SSH2: variants seen among roughly 807,000 people sequenced by gnomAD.
SSH2 encodes slingshot protein phosphatase 2.
Under a neutral mutation model 135.2 loss-of-function variants are expected in SSH2, and 37 were observed. That is an observed-to-expected ratio of 0.27 (90% CI 0.21 to 0.36). The LOEUF (loss-of-function observed/expected upper bound fraction) is 0.36, where lower values mean the gene tolerates loss of function less well. SSH2 is among the 10% of genes least tolerant of loss of function. The pLI, the probability that SSH2 is intolerant of heterozygous loss-of-function variation, is 1.00. For missense variants in SSH2, 1,408 were observed against 1,765.3 expected, an observed-to-expected ratio of 0.80 and a Z score of 3.63; for synonymous variants, 628 against 646.2, an observed-to-expected ratio of 0.97 and a Z score of 0.43.
At chr17:29,905,682 G>A (rs940618422) in intron 1 of SSH2, among the ~76,000 whole-genome samples, 13 of 152,292 alleles carry the variant, frequency 8.5e-5, no homozygotes, top group African/African-American at 2.4e-4. Flanking sequence ...GGAAGGGGGC[G>A]GGTCCCTGGT....
chr17:29,649,289 C>G (rs921476786), intron 13 of SSH2, among the ~76,000 whole-genome samples: 2 of 152,094 alleles, frequency 1.3e-5, no homozygotes, highest in Non-Finnish European at 2.9e-5. Flanking sequence ...TCTCCCTAAT[C>G]CTAAGTAAAA....
In SSH2 at chr17:29,705,667, A is replaced by G. The variant is rs190004408; in HGVS notation, c.189-2605T>C. 5.3e-3 allele frequency among the ~76,000 whole-genome samples: 806 copies of G among 152,320 alleles called. 10 individuals are homozygous for G. The highest frequency in any genetic ancestry group is 8.4e-3 in the Non-Finnish European group (569 of 68,024). ...TCTTCAAGGACCTGTAACATCCTAC[A>G]GGACTACTCCTCTGATCTTGTATCA... On this transcript the variant is annotated intron_variant, in intron 3 of 15. Transcript: ENST00000540801.
chr17:29,778,122 A>G (rs1188959364), intron 3 of SSH2, among the ~76,000 whole-genome samples: 1 of 152,214 alleles, frequency 6.6e-6, no homozygotes, highest in Non-Finnish European at 1.5e-5. Context: ...TATGGGATAC[A>G]TAAATGTTTT....
At chr17:29,739,732 A>G (rs187231468) in intron 3 of SSH2, among the ~76,000 whole-genome samples, 39 of 152,276 alleles carry the variant, frequency 2.6e-4, no homozygotes, top group Admixed American at 1.3e-3. Context: ...AATCTAATCT[A>G]ATTGACTTCC....
At chr17:29,743,572 G>C (rs1471838526) in intron 3 of SSH2, among the ~76,000 whole-genome samples, 1 of 152,060 alleles carries the variant, frequency 6.6e-6, no homozygotes. Flanking sequence ...ACGATAACTG[G>C]GACTGACTAT....
At chr17:29,862,372 C>T (rs2065779783) in intron 1 of SSH2, among the ~76,000 whole-genome samples, 1 of 152,188 alleles carries the variant, frequency 6.6e-6, no homozygotes, top group Non-Finnish European at 1.5e-5. Context: ...AATAAATGTT[C>T]AATGAATCAG....
At chr17:29,776,572 G>C (rs1427996390) in intron 3 of SSH2, 2 of 152,234 alleles carry the variant, frequency 1.3e-5, no homozygotes, top group Non-Finnish European at 2.9e-5. Flanking sequence ...GCTTTGTAAA[G>C]TTGACTTCAG....
At chr17:29,814,155 G>GAAAT (rs2042507612) in intron 2 of SSH2, among the ~76,000 whole-genome samples, 4 of 131,414 alleles carry the variant, frequency 3.0e-5, no homozygotes, top group African/African-American at 1.2e-4. Flanking sequence ...AAAAAAAAAG[G>GAAAT]CCGGGCACGG....
chr17:29,691,125 A>T (rs1190710355), intron 5 of SSH2, among the ~76,000 whole-genome samples: 1 of 152,202 alleles, frequency 6.6e-6, no homozygotes, highest in East Asian at 1.9e-4. Flanking sequence ...ATACATTTAT[A>T]GCTAGAAAAA....
intron 11 of SSH2, among the ~76,000 whole-genome samples, chr17:29,660,505 T>A (rs1419344202): frequency 6.6e-6 from 1 of 151,976 alleles, no homozygotes; most frequent in Non-Finnish European, 1.5e-5. Flanking sequence ...GACCTTGTGA[T>A]CTGCCCGCTT....
At chr17:29,846,883 G>T (rs1381104507) in intron 2 of SSH2, among the ~76,000 whole-genome samples, 1 of 152,172 alleles carries the variant, frequency 6.6e-6, no homozygotes, top group African/African-American at 2.4e-5. Flanking sequence ...TATGGTCAAG[G>T]TTTGTAGAAC....
chr17:29,714,839 CCT>C (rs1239318860), intron 3 of SSH2, among the ~76,000 whole-genome samples: 2 of 151,998 alleles, frequency 1.3e-5, no homozygotes, highest in African/African-American at 4.8e-5. Context: ...CTCCTAGACC[CCT>C]GATTCCTGAA....
At chr17:29,816,868 C>A (rs1473769554) in intron 2 of SSH2, among the ~76,000 whole-genome samples, 1 of 152,070 alleles carries the variant, frequency 6.6e-6, no homozygotes, top group Non-Finnish European at 1.5e-5. Flanking sequence ...CAGCCTTTTG[C>A]AGTTAAACAC....
chr17:29,895,802 G>A (rs1340443068), intron 1 of SSH2, among the ~76,000 whole-genome samples: 6 of 69,118 alleles, frequency 8.7e-5, no homozygotes, highest in Admixed American at 2.3e-4. Flanking sequence ...CACATTTCAT[G>A]TATAAAATGT....
chr17:29,689,457 C>T (rs1318449180), intron 5 of SSH2, among the ~76,000 whole-genome samples: 5 of 152,160 alleles, frequency 3.3e-5, no homozygotes, highest in Non-Finnish European at 7.4e-5. Flanking sequence ...AATTGAGATG[C>T]ATTTGATTTA....
At chr17:29,744,780 C>CGTGATGCTGAT (rs1567940288) in intron 3 of SSH2, among the ~76,000 whole-genome samples, 1 of 151,782 alleles carries the variant, frequency 6.6e-6, no homozygotes, top group Admixed American at 6.6e-5. Context: ...CTGCCTACGA[C>CGTGATGCTGAT]GTGATGCTGA....
intron 3 of SSH2, among the ~76,000 whole-genome samples, chr17:29,710,281 G>A (rs2039386940): frequency 1.3e-5 from 2 of 152,174 alleles, no homozygotes; most frequent in South Asian, 4.1e-4. Flanking sequence ...TAAAATGAAG[G>A]AAGCAGATTT....
At chr17:29,912,282 C>A (rs552225080) in intron 1 of SSH2, among the ~76,000 whole-genome samples, 4 of 152,280 alleles carry the variant, frequency 2.6e-5, no homozygotes, top group African/African-American at 9.6e-5. Context: ...CAACTTAGAT[C>A]TTTATGGTAT....
At chr17:29,768,263 C>G (rs2041492253) in intron 3 of SSH2, among the ~76,000 whole-genome samples, 1 of 150,584 alleles carries the variant, frequency 6.6e-6, no homozygotes, top group African/African-American at 2.4e-5. Context: ...CAAAGAACTA[C>G]TTAGACTATA....
Sources: gnomAD v4.1 joint callset for allele counts (sites outside exome capture counted in the v4.1 genomes callset) on GRCh38, gnomAD v4.1.1 for gene constraint, MANE v1.5 for transcripts, NCBI Gene and HGNC (gene_info 2026-07-23, HGNC 2026-07-21) for gene names.